The following TEX29 variants were observed in gnomAD, a reference collection of about 807,000 sequenced individuals.
The protein encoded by TEX29 is testis-expressed protein 29.
A neutral mutation model predicts 18.2 loss-of-function variants in TEX29; 26 were observed. The observed-to-expected ratio is 1.43, with a 90% CI of 1.04 to 1.98. The LOEUF is 1.98. Ranked by LOEUF, TEX29 falls within the 30% of genes most tolerant of loss-of-function variation. The probability of loss-of-function intolerance (pLI) is 0.00; values close to 1 mark genes in which losing one functional copy is unlikely to be tolerated. For missense variants in TEX29, 177 were observed against 194.2 expected, an observed-to-expected ratio of 0.91 and a Z score of 0.53; for synonymous variants, 83 against 78.5, an observed-to-expected ratio of 1.06 and a Z score of -0.31.
intron 2 of TEX29, among the ~76,000 whole-genome samples, chr13:111,323,646 C>G (rs1293949895): frequency 2.6e-5 from 4 of 151,566 alleles, no homozygotes; most frequent in Non-Finnish European, 5.9e-5. Flanking sequence ...GATCTGTGGT[C>G]CTGCACACCC....
intron 5 of TEX29, among the ~76,000 whole-genome samples, chr13:111,343,848 T>G (rs1457150746): frequency 6.6e-6 from 1 of 152,156 alleles, no homozygotes; most frequent in East Asian, 1.9e-4. Context: ...GACAGATGTT[T>G]GCCTGGTTAA....
chr13:111,343,936 A>C, intron 5 of TEX29, 147 bp from the exon 6 acceptor site: 1 of 686,996 alleles, frequency 1.5e-6, no homozygotes, highest in Non-Finnish European at 2.6e-6. Flanking sequence ...GAAACATAGG[A>C]GGATACGGCC....
chr13:111,335,745 A>G (rs1567163177), intron 3 of TEX29, among the ~76,000 whole-genome samples: 1 of 152,340 alleles, frequency 6.6e-6, no homozygotes, highest in East Asian at 1.9e-4. Context: ...TCTTCTCCAT[A>G]TAATGATTAG....
At chr13:111,338,702 A>C (rs2093692890) in intron 3 of TEX29, among the ~76,000 whole-genome samples, 1 of 152,224 alleles carries the variant, frequency 6.6e-6, no homozygotes, top group African/African-American at 2.4e-5. Context: ...CAATTAGAGA[A>C]GAGACTAATA....
At chr13:111,338,729 CAAT>C (rs1337481668) in intron 3 of TEX29, among the ~76,000 whole-genome samples, 8 of 152,252 alleles carry the variant, frequency 5.3e-5, no homozygotes, top group African/African-American at 1.7e-4. Context: ...ATAATAACAA[CAAT>C]AAGAATTACT....
upstream of TEX29, among the ~76,000 whole-genome samples, chr13:111,317,424 C>G (rs580226): frequency 0.26 from 39,809 of 152,020 alleles, 5,934 homozygotes; most frequent in African/African-American, 0.41. Flanking sequence ...GCGTTGCCCT[C>G]TGGTGCCCTG....
upstream of TEX29, among the ~76,000 whole-genome samples, chr13:111,317,351 A>C (rs941405876): frequency 6.6e-6 from 1 of 152,026 alleles, no homozygotes; most frequent in Non-Finnish European, 1.5e-5. Flanking sequence ...TGTAAATGGA[A>C]TCAGCTGTCT....
At chr13:111,322,467 C>T (rs2153641193) in intron 2 of TEX29, among the ~76,000 whole-genome samples, 1 of 152,346 alleles carries the variant, frequency 6.6e-6, no homozygotes, top group Admixed American at 6.5e-5. Flanking sequence ...GTTGTGTGTA[C>T]AAGCTGCTGC....
At chr13:111,342,990 G>C in intron 5 of TEX29, 59 bp downstream of exon 5, 1 of 1,578,916 alleles carries the variant, frequency 6.3e-7, no homozygotes, top group Non-Finnish European at 8.6e-7. Context: ...CTGTTCCCTC[G>C]GGAGACCTTC....
rs150569143 is a variant in TEX29 at position 111,342,802 on chromosome 13, G to A, written c.286G>A (p.Ala96Thr). The A allele has an allele frequency of 2.7e-4, 437 of 1,614,044 alleles. 5 individuals are homozygous for A. The highest frequency in any genetic ancestry group is 1.8e-3 in the South Asian group (165 of 91,064). Residue 96 changes from alanine to threonine, a missense_variant, in exon 5 of 6, where the codon GCG (alanine) becomes ACG (threonine). Coordinates refer to ENST00000283547, the MANE Select transcript of TEX29 (RefSeq NM_152324.3). The stretch of plus-strand genomic sequence containing the variant: ...AGAAAAGGCCATCCCTGTGGATGTC[G>A]CGCTGCCACAGAAGTCCAGCGAAAA... ...RKEKAIPVDV[A>T]LPQKSSEKAE... is the part of the protein sequence containing the mutation.
At chr13:111,318,388 C>A (rs117140781), upstream of TEX29, among the ~76,000 whole-genome samples, 2 of 152,188 alleles carry the variant, frequency 1.3e-5, no homozygotes, top group Non-Finnish European at 2.9e-5. Flanking sequence ...CTGGTTATCA[C>A]GTGGGAACGG....
chr13:111,336,258 G>A (rs2093689512), intron 3 of TEX29, among the ~76,000 whole-genome samples: 2 of 152,256 alleles, frequency 1.3e-5, no homozygotes, highest in Admixed American at 1.3e-4. Flanking sequence ...AGCCTGGGCA[G>A]TGGGCCCTGC....
intron 5 of TEX29, 127 bp downstream of exon 5, chr13:111,343,058 GT>G: frequency 8.5e-7 from 1 of 1,182,218 alleles, no homozygotes; most frequent in Non-Finnish European, 1.2e-6. Context: ...CAGTGTTGCA[GT>G]TTGTTCAAAA....
intron 3 of TEX29, among the ~76,000 whole-genome samples, chr13:111,329,496 T>C (rs1250258692): frequency 6.6e-6 from 1 of 150,938 alleles, no homozygotes; most frequent in African/African-American, 2.4e-5. Context: ...GTTCCCTGTA[T>C]CTAGTAGGGC....
At chr13:111,328,469 G>A (rs902165511) in intron 3 of TEX29, among the ~76,000 whole-genome samples, 176 bp downstream of exon 3, 1 of 152,158 alleles carries the variant, frequency 6.6e-6, no homozygotes, top group Non-Finnish European at 1.5e-5. Flanking sequence ...TTGGAGTGGG[G>A]TTTGGGCTGG....
chr13:111,337,499 G>T (rs2093691120), intron 3 of TEX29, among the ~76,000 whole-genome samples: 1 of 152,100 alleles, frequency 6.6e-6, no homozygotes, highest in African/African-American at 2.4e-5. Context: ...GATCAGGGCA[G>T]AAGCTGCAAT....
chr13:111,344,149 T>A lies in TEX29; in HGVS notation c.*26T>A, dbSNP rs1254461354. The A allele has an allele frequency of 6.2e-7, 1 of 1,605,588 alleles. No individual in the cohort carries two copies. Among genetic ancestry groups the A allele is most frequent in the African/African-American group, 1.3e-5 (1 of 74,832 alleles). ...CTGAGACGCATGAAGAAGTGGAGAT[T>A]GTCAGAATTATCCAAATGAAATGGT... On this transcript the variant is annotated 3_prime_UTR_variant, in exon 6 of 6. Transcript: ENST00000283547.
rs753700076 is a variant in TEX29 at position 111,339,936 on chromosome 13, G to A, written c.239+4G>A. The A allele has an allele frequency of 2.5e-5, 40 of 1,574,202 alleles. 1 individual carries two copies. Among genetic ancestry groups the A allele is most frequent in the Middle Eastern group, 3.4e-4 (2 of 5,970 alleles). ...TCGTCATCACCATCATCTACAGGTC[G>A]GTCCCTTTGTTCTTTACTGGGAGGG... On this transcript the variant is annotated splice_donor_region_variant and intron_variant, in intron 4 of 5. Transcript: ENST00000283547.
rs893580150 is a variant in TEX29 at position 111,339,848 on chromosome 13, C to T, written c.170-15C>T. On this transcript the variant is annotated splice_polypyrimidine_tract_variant and intron_variant, in intron 3 of 5. Coordinates refer to ENST00000283547, the MANE Select transcript of TEX29 (RefSeq NM_152324.3). ...TACCTGGATCGAAATGACTTCAAAT[C>T]CCACCATTTTTCAGTTTACATCCAC... is the stretch of plus-strand genomic sequence containing the variant. 6 of 1,613,630 alleles carry T rather than the reference C, an allele frequency of 3.7e-6. No homozygotes were observed. In the African/African-American group the frequency reaches 6.7e-5, roughly 18 times the overall value.
Sources: gnomAD v4.1 joint callset for allele counts (sites outside exome capture counted in the v4.1 genomes callset) on GRCh38, gnomAD v4.1.1 for gene constraint, MANE v1.5 for transcripts, NCBI Gene and HGNC (gene_info 2026-07-23, HGNC 2026-07-21) for gene names.